GOSR2: variants seen among roughly 807,000 people sequenced by gnomAD.
GOSR2 encodes the protein 27 kDa Golgi SNARE protein.
In GOSR2, 20 loss-of-function variants were observed where a neutral mutation model predicts 27.9. The observed-to-expected ratio is 0.72, with a 90% CI of 0.50 to 1.04. GOSR2 has a LOEUF of 1.04. Among genes scored for constraint, GOSR2 ranks in the 50% least tolerant of loss-of-function variants. The pLI is 0.00. For synonymous variants in GOSR2, 91 were observed against 98.8 expected (o/e 0.92, Z 0.47); for missense variants, 261 against 270.5 (o/e 0.97, Z 0.25).
chr17:46,925,442 G>A (rs2086353667), intron 1 of GOSR2, among the ~76,000 whole-genome samples: 1 of 152,228 alleles, frequency 6.6e-6, no homozygotes, highest in Non-Finnish European at 1.5e-5. Flanking sequence ...CTTTTATGCT[G>A]CAGTATCTTG....
At chr17:46,967,243 T>C (rs1387056691), downstream of GOSR2, among the ~76,000 whole-genome samples, 2 of 152,238 alleles carry the variant, frequency 1.3e-5, no homozygotes, top group Non-Finnish European at 2.9e-5. Context: ...TGCCTGGGTT[T>C]GGATCCCAGC....
chr17:46,940,006 C>T lies in GOSR2; in HGVS notation c.*1246C>T, dbSNP rs1441663056. On this transcript the variant is annotated 3_prime_UTR_variant, in exon 6 of 6. Transcript: ENST00000640051. The stretch of plus-strand genomic sequence containing the variant: ...CTCAAAATCCTTCAGATCTGGAAAC[C>T]GGCTCAGTATTAACCCTACCTTTGG... 8 of 1,009,012 alleles carry T rather than the reference C, an allele frequency of 7.9e-6. No individual in the cohort carries two copies. Among genetic ancestry groups the T allele is most frequent in the Non-Finnish European group, 9.5e-6 (8 of 843,100 alleles). The allele number at this position is 1,009,012 out of a possible 1,614,324, so 62.5% of individuals were successfully genotyped here.
intron 6 of GOSR2, among the ~76,000 whole-genome samples, chr17:46,961,364 C>A (rs549828134): frequency 2.6e-5 from 4 of 152,074 alleles, no homozygotes; most frequent in African/African-American, 9.6e-5. Flanking sequence ...ATAGTGAGAC[C>A]CCATCTCTAC....
intron 1 of GOSR2, 78 bp downstream of exon 1, chr17:46,923,299 G>A (rs2085973092): frequency 6.5e-7 from 1 of 1,547,804 alleles, no homozygotes. Flanking sequence ...CTGAGGCCTC[G>A]GACGTCAGCC....
intron 6 of GOSR2, among the ~76,000 whole-genome samples, chr17:46,955,972 G>A (rs993182604): frequency 6.6e-6 from 1 of 152,166 alleles, no homozygotes; most frequent in Non-Finnish European, 1.5e-5. Flanking sequence ...TCCAGATGCT[G>A]TCTCTCCTCA....
chr17:46,975,812 T>G (rs781156431), downstream of GOSR2, among the ~76,000 whole-genome samples: 65 of 152,260 alleles, frequency 4.3e-4, no homozygotes, highest in Non-Finnish European at 8.5e-4. Flanking sequence ...GTGTCCCCAC[T>G]AAGGCTTTCC....
intron 6 of GOSR2, among the ~76,000 whole-genome samples, chr17:46,948,138 A>G (rs949105549): frequency 5.3e-5 from 8 of 152,214 alleles, no homozygotes; most frequent in Non-Finnish European, 1.2e-4. Flanking sequence ...GAGTGTGAAG[A>G]TCAGCTCTGC....
rs1436422289 is a variant in GOSR2, at chr17:46,940,219, T to A, written c.*1459T>A. ...GTAAGTTTTCTTAATTGTCATAGAT[T>A]AACTGAGTTTCCTGGATGCTAATTT... On this transcript the variant is annotated 3_prime_UTR_variant, in exon 6 of 6. Transcript: ENST00000640051. 7.1e-7 allele frequency: 1 copy of A among 1,417,718 alleles called. No individual in the cohort carries two copies. The highest frequency in any genetic ancestry group is 9.2e-7 in the Non-Finnish European group (1 of 1,090,090). 87.8% of individuals were successfully genotyped at this position (1,417,718 alleles called of 1,614,324 possible).
At position 46,940,711 on chromosome 17, in the gene GOSR2, A is replaced by C; in HGVS notation, c.*1951A>C. On this transcript the variant is annotated 3_prime_UTR_variant, in exon 6 of 6. Coordinates refer to ENST00000640051, the MANE Select transcript of GOSR2 (RefSeq NM_004287.5). ...CGTGGTGTGCACCAGTGCTTTCCAC[A>C]CTTGACAGTGGTTGGCTTTGATGAA... is the stretch of plus-strand genomic sequence containing the variant. 1 of 1,604,932 alleles carries C rather than the reference A, an allele frequency of 6.2e-7. No homozygotes were observed. Among genetic ancestry groups the C allele is most frequent in the Non-Finnish European group, 8.5e-7 (1 of 1,178,286 alleles).
chr17:46,971,017 CT>C (rs776991082), downstream of GOSR2, among the ~76,000 whole-genome samples: 21 of 152,098 alleles, frequency 1.4e-4, no homozygotes, highest in African/African-American at 4.3e-4. Context: ...CAACATTTTT[CT>C]TTTTTTTGTT....
rs2089048848 is a variant in GOSR2, at chr17:46,940,129, C to T, written c.*1369C>T. ...GTGTTCCTCTTCACCTCTCTTGTTC[C>T]CCTCCCCGCTGCTCTGTAGTCATGT... On this transcript the variant is annotated 3_prime_UTR_variant, in exon 6 of 6. Transcript: ENST00000640051. 2 of 1,237,892 alleles carry T rather than the reference C, an allele frequency of 1.6e-6. No homozygotes were observed. Among genetic ancestry groups the T allele is most frequent in the African/African-American group, 1.5e-5 (1 of 66,098 alleles). The allele number at this position is 1,237,892 out of a possible 1,614,324, so 76.7% of individuals were successfully genotyped here. A position where few individuals can be genotyped will look rare whatever the true frequency, so the allele number is the denominator to read the frequency against.
At chr17:46,957,097 C>T (rs2090768397) in intron 6 of GOSR2, among the ~76,000 whole-genome samples, 1 of 152,034 alleles carries the variant, frequency 6.6e-6, no homozygotes, top group Non-Finnish European at 1.5e-5. Context: ...TCGTGTGAAC[C>T]CAGGAGTTCA....
At chr17:46,948,536 G>GAA (rs2090093255) in intron 6 of GOSR2, 1 of 152,236 alleles carries the variant, frequency 6.6e-6, no homozygotes, top group Admixed American at 6.5e-5. Context: ...TTACCTATTA[G>GAA]GACTTGCTCA....
chr17:46,947,742 T>C (rs1356591011), intron 6 of GOSR2, among the ~76,000 whole-genome samples: 1 of 152,190 alleles, frequency 6.6e-6, no homozygotes, highest in Non-Finnish European at 1.5e-5. Flanking sequence ...AGTGCCTGTA[T>C]TTGAGAGCTT....
At chr17:46,955,275 A>G (rs2090633123) in intron 6 of GOSR2, among the ~76,000 whole-genome samples, 1 of 151,964 alleles carries the variant, frequency 6.6e-6, no homozygotes, top group Non-Finnish European at 1.5e-5. Flanking sequence ...TGAGATAATC[A>G]TGTGGTTTTT....
At chr17:46,971,974 G>A (rs1207169201), downstream of GOSR2, among the ~76,000 whole-genome samples, 1 of 152,258 alleles carries the variant, frequency 6.6e-6, no homozygotes, top group Non-Finnish European at 1.5e-5. Flanking sequence ...TTACAGCCAG[G>A]CCTGGGGCTG....
At chr17:46,928,311 C>T (rs1412683528) in intron 1 of GOSR2, among the ~76,000 whole-genome samples, 1 of 152,166 alleles carries the variant, frequency 6.6e-6, no homozygotes, top group Non-Finnish European at 1.5e-5. Flanking sequence ...AGTTGGGTGC[C>T]TGGCTGGCAT....
intron 6 of GOSR2, among the ~76,000 whole-genome samples, chr17:46,959,304 T>C (rs2090921664): frequency 6.6e-6 from 1 of 152,214 alleles, no homozygotes; most frequent in Admixed American, 6.5e-5. Context: ...GGAAAAGCAT[T>C]CTGCTTTCTT....
At chr17:46,933,789 AT>A (rs1326548907) in intron 4 of GOSR2, among the ~76,000 whole-genome samples, 1 of 151,898 alleles carries the variant, frequency 6.6e-6, no homozygotes, top group Admixed American at 6.6e-5. Context: ...ATGGTGAGAC[AT>A]TGTCTCTACA....
Sources: gnomAD v4.1 joint callset for allele counts (sites outside exome capture counted in the v4.1 genomes callset) on GRCh38, gnomAD v4.1.1 for gene constraint, MANE v1.5 for transcripts, NCBI Gene and HGNC (gene_info 2026-07-23, HGNC 2026-07-21) for gene names.